The following CTNNA3 variants were observed in gnomAD, a reference collection of about 807,000 sequenced individuals.
The protein encoded by CTNNA3 is catenin alpha 3.
Under a neutral mutation model 95.7 loss-of-function variants are expected in CTNNA3, and 76 were observed. The ratio of observed to expected loss-of-function variants is 0.79; its 90% CI spans 0.66 to 0.96. The LOEUF is 0.96. CTNNA3 is among the 40% of genes least tolerant of loss of function. CTNNA3 has a pLI of 0.00. For missense variants in CTNNA3, 1,191 were observed against 1,089.8 expected (o/e 1.09, Z -1.31); for synonymous variants, 431 against 374.4 (o/e 1.15, Z -1.74).
At chr10:66,554,634 T>C (rs1842335989) in intron 10 of CTNNA3, among the ~76,000 whole-genome samples, 2 of 152,166 alleles carry the variant, frequency 1.3e-5, no homozygotes, top group South Asian at 4.1e-4. Flanking sequence ...ATTTAGCCCA[T>C]TCACTGAGTT....
intron 12 of CTNNA3, among the ~76,000 whole-genome samples, chr10:66,374,556 T>C (rs1214334375): frequency 6.6e-6 from 1 of 150,884 alleles, no homozygotes; most frequent in Admixed American, 6.6e-5. Context: ...AGAAAAATAA[T>C]ATGAGTGTCT....
At chr10:66,293,751 C>T (rs867136615) in intron 12 of CTNNA3, among the ~76,000 whole-genome samples, 1 of 150,920 alleles carries the variant, frequency 6.6e-6, no homozygotes, top group Non-Finnish European at 1.5e-5. Flanking sequence ...CTGCAACCTC[C>T]GCCTCCAGGG....
At chr10:65,927,353 A>G (rs192402599) in intron 17 of CTNNA3, among the ~76,000 whole-genome samples, 19 of 152,334 alleles carry the variant, frequency 1.2e-4, no homozygotes, top group African/African-American at 4.6e-4. Flanking sequence ...ATAATCAAAT[A>G]TCATATGCTT....
In CTNNA3 at chr10:67,219,683, G is replaced by A. The variant is rs1864559262; in HGVS notation, c.767C>T (p.Ser256Leu). 27 of 1,614,016 alleles carry A rather than the reference G, an allele frequency of 1.7e-5. No homozygotes were observed. Among genetic ancestry groups the A allele is most frequent in the Non-Finnish European group, 2.3e-5 (27 of 1,180,012 alleles). ...QNALNVISNA[S>L]QGIQNMTTPP... is the part of the protein sequence containing the mutation. ...GGTTGTCATATTCTGGATCCCTTGT[G>A]AAGCATTTGAAATTACATTGAGAGC... Residue 256 changes from serine (S) to leucine (L), a missense_variant, in exon 6 of 18, where the codon TCA becomes TTA. Transcript: ENST00000433211.
rs527379198 is a variant in CTNNA3, at chr10:67,239,800, G to A, written c.580-19930C>T. 7.3e-4 allele frequency among the ~76,000 whole-genome samples: 111 copies of A among 152,210 alleles called. 1 individual carries two copies. The highest frequency in any genetic ancestry group is 2.6e-3 in the African/African-American group (106 of 41,554). ...TTACCCATGTCATTAAGGGAAGAAT[G>A]AGAAAATTAGATATTCTGTCCATCT... On this transcript the variant is annotated intron_variant, in intron 5 of 17. Transcript: ENST00000433211.
intron 5 of CTNNA3, among the ~76,000 whole-genome samples, chr10:67,459,093 G>A (rs535706487): frequency 6.6e-6 from 1 of 152,228 alleles, no homozygotes; most frequent in South Asian, 2.1e-4. Flanking sequence ...TATGAATATT[G>A]AGCACTATGT....
At chr10:66,835,035 C>T (rs1050615286) in intron 7 of CTNNA3, among the ~76,000 whole-genome samples, 1 of 152,168 alleles carries the variant, frequency 6.6e-6, no homozygotes, top group South Asian at 2.1e-4. Flanking sequence ...TGAGTTTCAT[C>T]TGACACAATA....
chr10:67,732,555 C>A (rs1380178509), intron 1 of CTNNA3, among the ~76,000 whole-genome samples: 1 of 152,106 alleles, frequency 6.6e-6, no homozygotes, highest in Non-Finnish European at 1.5e-5. Flanking sequence ...TGTCTTAGGA[C>A]AAAAACATAA....
chr10:67,349,295 A>C (rs146900362), intron 5 of CTNNA3, among the ~76,000 whole-genome samples: 176 of 152,202 alleles, frequency 1.2e-3, no homozygotes, highest in African/African-American at 4.2e-3. Flanking sequence ...AAAATGTGGA[A>C]ACAATCTAAA....
intron 5 of CTNNA3, among the ~76,000 whole-genome samples, chr10:67,294,724 G>C (rs1041434065): frequency 6.6e-6 from 1 of 151,948 alleles, no homozygotes; most frequent in African/African-American, 2.4e-5. Context: ...GTACTGATTT[G>C]ATTTATAAAA....
chr10:66,229,540 A>C (rs2089481265), intron 13 of CTNNA3, among the ~76,000 whole-genome samples: 1 of 152,096 alleles, frequency 6.6e-6, no homozygotes, highest in African/African-American at 2.4e-5. Flanking sequence ...AACTCTTTGA[A>C]TATATCATCC....
At chr10:67,036,254 G>T (rs1415006245) in intron 7 of CTNNA3, among the ~76,000 whole-genome samples, 1 of 151,814 alleles carries the variant, frequency 6.6e-6, no homozygotes, top group African/African-American at 2.4e-5. Context: ...CTGGGCTCAA[G>T]AGATCCTCCA....
intron 5 of CTNNA3, among the ~76,000 whole-genome samples, chr10:67,407,961 A>C (rs1477253207): frequency 6.6e-6 from 1 of 152,070 alleles, no homozygotes. Context: ...GCAAGTAGAG[A>C]AACAAATCAT....
chr10:66,108,958 G>A (rs887617243), intron 13 of CTNNA3, among the ~76,000 whole-genome samples: 3 of 152,178 alleles, frequency 2.0e-5, no homozygotes, highest in Admixed American at 6.5e-5. Flanking sequence ...AACTAGAGAT[G>A]AGATTTTGTG....
intron 2 of CTNNA3, among the ~76,000 whole-genome samples, chr10:67,631,095 G>C (rs999684261): frequency 2.6e-5 from 4 of 152,166 alleles, no homozygotes; most frequent in Non-Finnish European, 5.9e-5. Flanking sequence ...CTTGGATCTT[G>C]AAAGTGATAA....
chr10:66,859,699 A>G (rs535741527), intron 7 of CTNNA3, among the ~76,000 whole-genome samples: 3 of 139,920 alleles, frequency 2.1e-5, no homozygotes, highest in South Asian at 2.3e-4. Flanking sequence ...TCATGCTGCT[A>G]TAAAGACACA....
intron 12 of CTNNA3, among the ~76,000 whole-genome samples, chr10:66,369,540 T>C (rs897981642): frequency 6.6e-6 from 1 of 152,156 alleles, no homozygotes; most frequent in Non-Finnish European, 1.5e-5. Flanking sequence ...AGTTTTAGGG[T>C]ACATGTGCGC....
At chr10:67,216,838 G>A (rs957773986) in intron 6 of CTNNA3, among the ~76,000 whole-genome samples, 2 of 152,108 alleles carry the variant, frequency 1.3e-5, no homozygotes, top group African/African-American at 4.8e-5. Context: ...ATTTTTATTG[G>A]TGAAGTTTCT....
At chr10:67,572,827 C>T (rs1842020819) in intron 3 of CTNNA3, among the ~76,000 whole-genome samples, 1 of 152,182 alleles carries the variant, frequency 6.6e-6, no homozygotes, top group African/African-American at 2.4e-5. Context: ...GTAGCTCATG[C>T]CTGTAATGCC....
Sources: gnomAD v4.1 joint callset for allele counts (sites outside exome capture counted in the v4.1 genomes callset) on GRCh38, gnomAD v4.1.1 for gene constraint, MANE v1.5 for transcripts, NCBI Gene and HGNC (gene_info 2026-07-23, HGNC 2026-07-21) for gene names.